The following ITGA1 variants were observed in gnomAD, a reference collection of about 807,000 sequenced individuals.
ITGA1 encodes integrin alpha-1.
A neutral mutation model predicts 145.9 loss-of-function variants in ITGA1; 85 were observed. That is an observed-to-expected ratio of 0.58 (90% confidence interval 0.49 to 0.70). The LOEUF is 0.70. Among genes scored for constraint, ITGA1 ranks in the 30% least tolerant of loss-of-function variants. ITGA1 has a pLI of 0.00. For synonymous variants in ITGA1, 520 were observed against 495.3 expected (o/e 1.05, Z -0.66); for missense variants, 1,351 against 1,418.7 (o/e 0.95, Z 0.77).
Position 52,929,716 on chromosome 5 carries a change from G to C in ITGA1, c.2771+15G>C. On this transcript the variant is annotated intron_variant, in intron 21 of 28. Coordinates refer to ENST00000282588, the MANE Select transcript of ITGA1 (RefSeq NM_181501.2). ...AGTGCAACAAGGTTGGTTTACATGT[G>C]TATAAATGTATGTATATGAATGTAT... 1 of 1,369,416 alleles carries C rather than the reference G, an allele frequency of 7.3e-7. No individual in the cohort carries two copies. Among genetic ancestry groups the C allele is most frequent in the Non-Finnish European group, 1.0e-6 (1 of 966,516 alleles). 84.8% of individuals were successfully genotyped at this position (1,369,416 alleles called of 1,614,324 possible).
intron 1 of ITGA1, among the ~76,000 whole-genome samples, chr5:52,842,194 T>C (rs1749264676): frequency 6.6e-6 from 1 of 152,156 alleles, no homozygotes; most frequent in South Asian, 2.1e-4. Context: ...ATCACAGATA[T>C]GCATCATGTT....
intron 15 of ITGA1, 111 bp downstream of exon 15, chr5:52,915,705 A>G: frequency 1.5e-6 from 2 of 1,304,864 alleles, no homozygotes; most frequent in Admixed American, 2.2e-5. Flanking sequence ...GTGTTCCACT[A>G]TGCAAATACA....
intron 28 of ITGA1, among the ~76,000 whole-genome samples, chr5:52,951,524 G>A (rs1357052897): frequency 6.6e-6 from 1 of 152,080 alleles, no homozygotes; most frequent in Non-Finnish European, 1.5e-5. Flanking sequence ...TTTTCTTATG[G>A]TCAACAACTT....
intron 1 of ITGA1, among the ~76,000 whole-genome samples, chr5:52,834,686 AGAAGGGGAAGGAAG>A (rs560162466): frequency 1.3e-4 from 19 of 151,886 alleles, no homozygotes; most frequent in East Asian, 7.8e-4. Context: ...AGAGAAAGAA[AGAAGGGGAAGGAAG>A]GAAGGGGAAG....
chr5:52,834,838 C>T (rs56337203), intron 1 of ITGA1, among the ~76,000 whole-genome samples: 36,661 of 151,918 alleles, frequency 0.24, 4,779 homozygotes, highest in Non-Finnish European at 0.29. Flanking sequence ...CCTAAAGGCC[C>T]TATTTCCAAA....
chr5:52,811,997 C>T (rs896605744), intron 1 of ITGA1, among the ~76,000 whole-genome samples: 2 of 152,158 alleles, frequency 1.3e-5, no homozygotes, highest in African/African-American at 4.8e-5. Context: ...TTTAAAAGCT[C>T]CTCAGGTGCT....
At position 52,807,324 on chromosome 5, in the gene ITGA1, A is replaced by G. The variant is rs371230185; in HGVS notation, c.61+18910A>G. On this transcript the variant is annotated intron_variant, in intron 1 of 28. Transcript: ENST00000282588. The stretch of plus-strand genomic sequence containing the variant: ...TAACAAAAGTAACTGTGTGCTTATT[A>G]AGTGTCAGGTCTTATGGTAAGTGCT... Among the ~76,000 whole-genome samples, 7 of 134,648 alleles carry G rather than the reference A, an allele frequency of 5.2e-5. No individual in the cohort carries two copies. The East Asian group carries it at 1.2e-3, about 22-fold the overall frequency. 88.3% of individuals were successfully genotyped at this position (134,648 alleles called of 152,430 possible). A position where few individuals can be genotyped will look rare whatever the true frequency, so the allele number is the denominator to read the frequency against.
At chr5:52,929,510 A>G (rs1750864475) in intron 20 of ITGA1, 115 bp from the exon 21 acceptor site, 8 of 639,896 alleles carry the variant, frequency 1.3e-5, no homozygotes, top group East Asian at 8.5e-5. Context: ...TTGTAAGACA[A>G]TGTTTCTCAA....
At chr5:52,899,631 A>G (rs1006107805) in intron 11 of ITGA1, among the ~76,000 whole-genome samples, 1 of 152,154 alleles carries the variant, frequency 6.6e-6, no homozygotes, top group African/African-American at 2.4e-5. Flanking sequence ...ATTACACAGA[A>G]AAGTCAGCTC....
chr5:52,920,367 CA>C lies in ITGA1; in HGVS notation c.2194del (p.Ile732TyrfsTer42). On this transcript the variant is annotated frameshift_variant, in exon 17 of 29. Transcript: ENST00000282588. LOFTEE classifies it high-confidence loss of function. ...QYRVTLDSLRQISRSFFSGTQ... is the reference protein window; with the variant it reads ...QYRVTLDSLRXISRSFFSGTQ... ...CCGTGTCACCCTAGATTCACTAAGA[CA>C]AATATCACGAAGTTTTTTCTCTGGA... The C allele has an allele frequency of 8.7e-6, 14 of 1,608,600 alleles. No individual in the cohort carries two copies. Among genetic ancestry groups the C allele is most frequent in the Non-Finnish European group, 1.2e-5 (14 of 1,177,740 alleles).
At position 52,809,106 on chromosome 5, in the gene ITGA1, G is replaced by A. The variant is rs183695546; in HGVS notation, c.61+20692G>A. The stretch of plus-strand genomic sequence containing the variant: ...AGTTTTGAAGTCTTGTTCATTCCTT[G>A]GAGGAGTATTTATATTTCCCTATAG... On this transcript the variant is annotated intron_variant, in intron 1 of 28. Transcript: ENST00000282588. Among the ~76,000 whole-genome samples, 617 of 152,218 alleles carry A rather than the reference G, an allele frequency of 4.1e-3. 6 individuals are homozygous for A. Among genetic ancestry groups the A allele is most frequent in the Middle Eastern group, 0.034 (10 of 294 alleles).
At chr5:52,940,955 T>C (rs1751045612) in intron 26 of ITGA1, among the ~76,000 whole-genome samples, 1 of 152,118 alleles carries the variant, frequency 6.6e-6, no homozygotes, top group Admixed American at 6.5e-5. Context: ...AAGTAGTCCA[T>C]GGTGTCTACT....
intron 1 of ITGA1, among the ~76,000 whole-genome samples, chr5:52,821,252 G>T (rs1054040420): frequency 2.1e-4 from 32 of 152,098 alleles, no homozygotes; most frequent in Non-Finnish European, 2.9e-4. Context: ...TTTTTAGACT[G>T]CTTAATTTGG....
At chr5:52,810,183 C>T in intron 1 of ITGA1, among the ~76,000 whole-genome samples, 1 of 152,120 alleles carries the variant, frequency 6.6e-6, no homozygotes, top group East Asian at 1.9e-4. Flanking sequence ...CATAGCCATT[C>T]CTGGAAGAAA....
At chr5:52,916,420 C>T (rs922222652) in intron 15 of ITGA1, among the ~76,000 whole-genome samples, 11 of 152,102 alleles carry the variant, frequency 7.2e-5, no homozygotes, top group African/African-American at 2.4e-4. Flanking sequence ...TACTGTAATT[C>T]GGGTGGAAAC....
rs974248272 is a variant in ITGA1, at chr5:52,952,445, G to A, written c.3534G>A (p.Glu1178=). The change falls in exon 29 of 29, where the codon GAG becomes GAA. Residue 1178 remains glutamate (E), a synonymous_variant. Transcript: ENST00000282588. ...AAAGACCACTGAAAAAGAAAATGGA[G>A]AAATGAAATATTTTATGAAAGAAAA... is the stretch of plus-strand genomic sequence containing the variant. ...FFKRPLKKKM[E]K is the part of the protein sequence containing the mutation. The A allele has an allele frequency of 2.2e-6, 3 of 1,385,786 alleles. No individual in the cohort carries two copies. Among genetic ancestry groups the A allele is most frequent in the Non-Finnish European group, 3.0e-6 (3 of 1,008,432 alleles). The allele number at this position is 1,385,786 out of a possible 1,614,324, so 85.8% of individuals were successfully genotyped here. A position where few individuals can be genotyped will look rare whatever the true frequency, so the allele number is the denominator to read the frequency against.
intron 7 of ITGA1, among the ~76,000 whole-genome samples, chr5:52,884,185 T>G (rs2111808496): frequency 6.6e-6 from 1 of 152,252 alleles, no homozygotes; most frequent in African/African-American, 2.4e-5. Flanking sequence ...GGCTCGTGCC[T>G]GTAATCCCAG....
intron 6 of ITGA1, among the ~76,000 whole-genome samples, chr5:52,870,898 C>A (rs2456220): frequency 0.5 from 76,575 of 151,980 alleles, 19,800 homozygotes; most frequent in East Asian, 0.77. Context: ...AGGGAGTTCT[C>A]CAAAGAACCC....
chr5:52,838,960 G>T (rs1450278586), intron 1 of ITGA1, among the ~76,000 whole-genome samples: 1 of 152,084 alleles, frequency 6.6e-6, no homozygotes, highest in Non-Finnish European at 1.5e-5. Flanking sequence ...AACCAGGCAT[G>T]GTGGCATGTG....
Sources: gnomAD v4.1 joint callset for allele counts (sites outside exome capture counted in the v4.1 genomes callset) on GRCh38, gnomAD v4.1.1 for gene constraint, MANE v1.5 for transcripts, NCBI Gene and HGNC (gene_info 2026-07-23, HGNC 2026-07-21) for gene names.